The following PRF1 variants were observed in gnomAD, a reference collection of about 807,000 sequenced individuals.
PRF1 encodes perforin-1.
In PRF1, 11 loss-of-function variants were observed where a neutral mutation model predicts 11.7. The ratio of observed to expected loss-of-function variants is 0.94; its 90% CI spans 0.59 to 1.56. PRF1 has a LOEUF of 1.56. Among genes scored for constraint, PRF1 ranks in the 40% most tolerant of loss-of-function variants. The probability of loss-of-function intolerance (pLI) is 0.00; values close to 1 mark genes in which losing one functional copy is unlikely to be tolerated. For synonymous variants in PRF1, 314 were observed against 327.8 expected (o/e 0.96, Z 0.45); for missense variants, 729 against 751.0 (o/e 0.97, Z 0.34).
chr10:70,601,304 T>A (rs1399907730), intron 1 of PRF1, among the ~76,000 whole-genome samples: 1 of 152,120 alleles, frequency 6.6e-6, no homozygotes, highest in Admixed American at 6.5e-5. Context: ...GAAGCCTTCA[T>A]TCTGAAGAAG....
Position 70,600,566 on chromosome 10 carries a change from A to G in PRF1, c.337T>C (p.Ser113Pro), listed in dbSNP as rs1296198842. Residue 113 changes from serine (S) to proline (P), a missense_variant, in exon 2 of 3, where the codon TCC becomes CCC. Ser to Pro is a moderately conservative substitution (Grantham distance 74). Transcript: ENST00000441259. This position sits in a 1 kb window ranked among gnomAD's most constrained non-coding sequence, Gnocchi z 4.9. ...GCATCCCGGGCCACAGCTTCAGTGGAGCTGACTTTGGCCCTGGTTACATGG... is the reference window on the plus strand; with the variant it reads ...GCATCCCGGGCCACAGCTTCAGTGGGGCTGACTTTGGCCCTGGTTACATGG... ...QRHVTRAKVS[S>P]TEAVARDAAR... 6.2e-7 allele frequency: 1 copy of G among 1,614,024 alleles called. No homozygotes were observed. Among genetic ancestry groups the G allele is most frequent in the Non-Finnish European group, 8.5e-7 (1 of 1,179,994 alleles).
chr10:70,598,106 G>T lies in PRF1; in HGVS notation c.1615C>A (p.Pro539Thr). 1 of 1,614,082 alleles carries T rather than the reference G, an allele frequency of 6.2e-7. No homozygotes were observed. The highest frequency in any genetic ancestry group is 8.5e-7 in the Non-Finnish European group (1 of 1,180,026). ...GGAGGCTCCCCCAGAAGCATTTGGG[G>T]GACATAGTCCAGGCAGGTGCCTCCT... ...LGGGTCLDYV[P>T]QMLLGEPPGN... The change falls in exon 3 of 3, where the codon CCC becomes ACC. Residue 539 changes from proline to threonine, a missense_variant. Transcript: ENST00000441259.
Position 70,600,694 on chromosome 10 carries a change from T to C in PRF1, c.209A>G (p.Asp70Gly), listed in dbSNP as rs1326595797. The C allele has an allele frequency of 6.2e-7, 1 of 1,613,770 alleles. No homozygotes were observed. Among genetic ancestry groups the C allele is most frequent in the Admixed American group, 1.7e-5 (1 of 60,008 alleles). The change falls in exon 2 of 3, where the codon GAC becomes GGC. Residue 70 changes from aspartate (D) to glycine (G), a missense_variant. Asp to Gly is a moderately conservative substitution (Grantham distance 94). Coordinates refer to ENST00000441259, the MANE Select transcript of PRF1 (RefSeq NM_001083116.3). This position sits in a 1 kb window ranked among gnomAD's most constrained non-coding sequence, Gnocchi z 4.9. ...ATTTTCACAGAGGGTGCAGGTGCCG[T>C]CGGGCCGCAGGAACCTTTGTGTGTC... Reference protein sequence around the residue: ...PVDTQRFLRPDGTCTLCENAL... With the variant: ...PVDTQRFLRPGGTCTLCENAL...
Position 70,599,068 on chromosome 10 carries a change from T to C in PRF1, c.653A>G (p.Asn218Ser). 1.2e-6 allele frequency: 2 copies of C among 1,613,476 alleles called. No homozygotes were observed. The highest frequency in any genetic ancestry group is 1.7e-6 in the Non-Finnish European group (2 of 1,179,562). ...AGCCCGGATGAAGTGGGTGCCGTAG[T>C]TGGAGATAAGCCTGAGGTAGGCGGG... is the stretch of plus-strand genomic sequence containing the variant. ...TQPAYLRLIS[N>S]YGTHFIRAVE... Residue 218 changes from asparagine to serine, a missense_variant, in exon 3 of 3, where the codon AAC becomes AGC. By Grantham distance (46) the Asn-to-Ser change is conservative (BLOSUM62 1). Transcript: ENST00000441259.
rs752368313 is a variant in PRF1 at position 70,600,541 on chromosome 10, G to A, written c.362C>T (p.Ala121Val). The A allele has an allele frequency of 1.3e-5, 21 of 1,613,954 alleles. No individual in the cohort carries two copies. In the South Asian group the frequency reaches 1.3e-4, roughly 10 times the overall value. ...CCAGTCGTTGCGGATGCTACGAGCCGCATCCCGGGCCACAGCTTCAGTGGA... is the reference window on the plus strand; with the variant it reads ...CCAGTCGTTGCGGATGCTACGAGCCACATCCCGGGCCACAGCTTCAGTGGA... The part of the protein sequence containing the change: ...VSSTEAVARD[A>V]ARSIRNDWKV... Residue 121 changes from alanine to valine, a missense_variant, in exon 2 of 3, where the codon GCG (alanine) becomes GTG (valine). Ala to Val is a moderately conservative substitution (Grantham distance 64). Transcript: ENST00000441259. This position sits in a 1 kb window ranked among gnomAD's most constrained non-coding sequence, Gnocchi z 4.9.
chr10:70,600,425 G>A lies in PRF1; in HGVS notation c.478C>T (p.Gln160Ter). 6.2e-7 allele frequency: 1 copy of A among 1,614,206 alleles called. No homozygotes were observed. Among genetic ancestry groups the A allele is most frequent in the Non-Finnish European group, 8.5e-7 (1 of 1,180,046 alleles). Residue 160 changes from glutamine to a stop codon, truncating the protein, a stop_gained, in exon 2 of 3, where the codon CAG (glutamine) becomes TAG (stop). Coordinates refer to ENST00000441259, the MANE Select transcript of PRF1 (RefSeq NM_001083116.3). LOFTEE classifies it high-confidence loss of function. The surrounding 1 kb of genome is among the most constrained non-coding windows in gnomAD (Gnocchi z 4.9). ...SHSQAANFAAQKTHQDQYSFS... is the reference protein window; with the variant it reads ...SHSQAANFAA ...CTGTACTGGTCCTGGTGGGTCTTCT[G>A]GGCTGCAAAGTTGGCTGCCTGTGAG...
At position 70,599,080 on chromosome 10, in the gene PRF1, C is replaced by T. The variant is rs1330318088; in HGVS notation, c.641G>A (p.Arg214Lys). The T allele has an allele frequency of 6.2e-7, 1 of 1,613,812 alleles. No homozygotes were observed. The highest frequency in any genetic ancestry group is 8.5e-7 in the Non-Finnish European group (1 of 1,179,912). ...GTGGGTGCCGTAGTTGGAGATAAGC[C>T]TGAGGTAGGCGGGCTGGGTGGAGGC... ...FNASTQPAYL[R>K]LISNYGTHFI... The change falls in exon 3 of 3, where the codon AGG (arginine) becomes AAG (lysine). Residue 214 changes from arginine (R) to lysine (K), a missense_variant. Transcript: ENST00000441259.
intron 1 of PRF1, among the ~76,000 whole-genome samples, chr10:70,601,257 G>A (rs1256842218): frequency 6.6e-6 from 1 of 152,162 alleles, no homozygotes; most frequent in African/African-American, 2.4e-5. Context: ...GGACAGAGTA[G>A]CTGTAGCAGG....
rs765278464 is a variant in PRF1 at position 70,600,362 on chromosome 10, A to C, written c.539+2T>G. The stretch of plus-strand genomic sequence containing the variant: ...CCCCCCACCCCTAGCCCCAGCTCTC[A>C]CCTGTAGAAGCGGCACTCCACCGTG... On this transcript the variant is annotated splice_donor_variant, in intron 2 of 2. Transcript: ENST00000441259. LOFTEE classifies it high-confidence loss of function. The surrounding 1 kb of genome is among the most constrained non-coding windows in gnomAD (Gnocchi z 4.9). The C allele has an allele frequency of 1.7e-5, 28 of 1,612,944 alleles. No homozygotes were observed. Among genetic ancestry groups the C allele is most frequent in the Non-Finnish European group, 2.4e-5 (28 of 1,179,692 alleles).
chr10:70,598,950 G>T lies in PRF1; in HGVS notation c.771C>A (p.Cys257Ter). The change falls in exon 3 of 3, where the codon TGC (cysteine) becomes TGA (stop). Residue 257 changes from cysteine to a stop codon, truncating the protein, a stop_gained. Coordinates refer to ENST00000441259, the MANE Select transcript of PRF1 (RefSeq NM_001083116.3). LOFTEE classifies it low-confidence loss of function (END_TRUNC). ...TGTTGACCTGGGCCTCGACAGTCAG[G>T]CAGTCCTCCACCTCGTTGTCCGTGA... ...EGLTDNEVEDCLTVEAQVNIG... is the reference protein window; with the variant it reads ...EGLTDNEVED 1 of 1,614,270 alleles carries T rather than the reference G, an allele frequency of 6.2e-7. No individual in the cohort carries two copies. Among genetic ancestry groups the T allele is most frequent in the South Asian group, 1.1e-5 (1 of 91,088 alleles).
chr10:70,600,346 C>G lies in PRF1; in HGVS notation c.539+18G>C. 1 of 1,614,070 alleles carries G rather than the reference C, an allele frequency of 6.2e-7. No homozygotes were observed. The highest frequency in any genetic ancestry group is 8.5e-7 in the Non-Finnish European group (1 of 1,180,030). On this transcript the variant is annotated intron_variant, in intron 2 of 2. Transcript: ENST00000441259. This position sits in a 1 kb window ranked among gnomAD's most constrained non-coding sequence, Gnocchi z 4.9. ...CCCGCGCCTTTTCCAGCCCCCCACC[C>G]CTAGCCCCAGCTCTCACCTGTAGAA...
chr10:70,599,863 C>G (rs1848193172), intron 2 of PRF1, among the ~76,000 whole-genome samples: 1 of 152,244 alleles, frequency 6.6e-6, no homozygotes, highest in Admixed American at 6.5e-5. Flanking sequence ...TTCCTACTCC[C>G]AGGGGCTAGG....
rs1213351907 is a variant in PRF1, at chr10:70,598,742, C to T, written c.979G>A (p.Ala327Thr). The T allele has an allele frequency of 6.2e-7, 1 of 1,614,242 alleles. No individual in the cohort carries two copies. Among genetic ancestry groups the T allele is most frequent in the South Asian group, 1.1e-5 (1 of 91,092 alleles). ...CTGCCGGGCAGCGAGTTTACCCAGG[C>T]TGAGTACTGCTCGGGCCCGGCCTGG... ...GIQAGPEQYS[A>T]WVNSLPGSPG... The change falls in exon 3 of 3, where the codon GCC becomes ACC. Residue 327 changes from alanine (A) to threonine (T), a missense_variant. Coordinates refer to ENST00000441259, the MANE Select transcript of PRF1 (RefSeq NM_001083116.3).
chr10:70,600,849 G>A lies in PRF1; in HGVS notation c.54C>T (p.Pro18=), dbSNP rs762553478. 10 of 1,609,892 alleles carry A rather than the reference G, an allele frequency of 6.2e-6. No homozygotes were observed. Among genetic ancestry groups the A allele is most frequent in the Admixed American group, 1.7e-5 (1 of 59,242 alleles). The change falls in exon 2 of 3, where the codon CCC becomes CCT. Residue 18 remains proline (P), a synonymous_variant. Coordinates refer to ENST00000441259, the MANE Select transcript of PRF1 (RefSeq NM_001083116.3). The surrounding 1 kb of genome is among the most constrained non-coding windows in gnomAD (Gnocchi z 4.9). ...CGGCTGTGTGGCACGGGGCAGGGAC[G>A]GGCAGGGGCAGCAGCAGGAGAAGGA... ...LGILLLLLPL[P]VPAPCHTAAR...
At position 70,598,289 on chromosome 10, in the gene PRF1, G is replaced by C; in HGVS notation, c.1432C>G (p.Leu478Val). The change falls in exon 3 of 3, where the codon CTG (leucine) becomes GTG (valine). Residue 478 changes from leucine to valine, a missense_variant. Leu to Val is a conservative substitution (Grantham distance 32). Transcript: ENST00000441259. ...GDVLLATGGP[L>V]RLQVWDQDSG... ...TCCTGATCCCAGACCTGCAACCTCA[G>C]GGGCCCCCCTGTGGCCAGGAGCACA... 2 of 1,614,214 alleles carry C rather than the reference G, an allele frequency of 1.2e-6. No individual in the cohort carries two copies. The highest frequency in any genetic ancestry group is 1.7e-6 in the Non-Finnish European group (2 of 1,180,036).
chr10:70,600,574 T>G lies in PRF1; in HGVS notation c.329A>C (p.Lys110Thr), dbSNP rs770013555. 1.2e-6 allele frequency: 2 copies of G among 1,614,028 alleles called. No individual in the cohort carries two copies. The highest frequency in any genetic ancestry group is 2.7e-5 in the African/African-American group (2 of 75,068). ...GGCCACAGCTTCAGTGGAGCTGACT[T>G]TGGCCCTGGTTACATGGCGCTGGCA... ...SGCQRHVTRA[K>T]VSSTEAVARD... Residue 110 changes from lysine to threonine, a missense_variant, in exon 2 of 3, where the codon AAA becomes ACA. Physicochemically the swap from Lys to Thr is moderately conservative, Grantham distance 78. Transcript: ENST00000441259. The surrounding 1 kb of genome is among the most constrained non-coding windows in gnomAD (Gnocchi z 4.9).
rs776338709 is a variant in PRF1 at position 70,598,679 on chromosome 10, C to G, written c.1042G>C (p.Val348Leu). The G allele has an allele frequency of 2.4e-5, 39 of 1,613,934 alleles. No individual in the cohort carries two copies. The highest frequency in any genetic ancestry group is 8.3e-5 in the Admixed American group (5 of 60,012). ...CGCGGGTCCTGGCTGTCCAGCAGCA[C>G]GTGCAGGGGTTCCAGGGTGTAGTCC... ...LVDYTLEPLH[V>L]LLDSQDPRRE... Residue 348 changes from valine to leucine, a missense_variant, in exon 3 of 3, where the codon GTG (valine) becomes CTG (leucine). Coordinates refer to ENST00000441259, the MANE Select transcript of PRF1 (RefSeq NM_001083116.3).
chr10:70,599,328 G>T (rs1300486754), intron 2 of PRF1, 147 bp from the exon 3 acceptor site: 7 of 1,013,720 alleles, frequency 6.9e-6, no homozygotes, highest in Non-Finnish European at 1.0e-5. Flanking sequence ...CACAAGCACA[G>T]TGGCACGGGG....
In PRF1 at chr10:70,599,188, G is replaced by C; in HGVS notation, c.540-7C>G. 6.2e-7 allele frequency: 1 copy of C among 1,614,146 alleles called. No homozygotes were observed. The highest frequency in any genetic ancestry group is 1.1e-5 in the South Asian group (1 of 91,086). ...AGTGTGTACCACATGGAAACTGCGA[G>C]AAGAGAGAGACCTCAGCTGGGCCCA... is the stretch of plus-strand genomic sequence containing the variant. On this transcript the variant is annotated splice_region_variant and splice_polypyrimidine_tract_variant and intron_variant, in intron 2 of 2. Coordinates refer to ENST00000441259, the MANE Select transcript of PRF1 (RefSeq NM_001083116.3).
Sources: gnomAD v4.1 joint callset for allele counts (sites outside exome capture counted in the v4.1 genomes callset) on GRCh38, gnomAD v4.1.1 for gene constraint, Gnocchi (gnomAD v3.1) non-coding constraint, MANE v1.5 for transcripts, NCBI Gene and HGNC (gene_info 2026-07-23, HGNC 2026-07-21) for gene names.